The following TNRC6B variants were observed in gnomAD, a reference collection of about 807,000 sequenced individuals.
TNRC6B encodes the protein trinucleotide repeat containing adaptor 6B, also known as trinucleotide repeat-containing gene 6B protein.
A neutral mutation model predicts 203.6 loss-of-function variants in TNRC6B; 52 were observed. The observed-to-expected ratio is 0.26, with a 90% CI of 0.20 to 0.32. The LOEUF (loss-of-function observed/expected upper bound fraction) is 0.32, where lower values mean the gene tolerates loss of function less well. TNRC6B is among the 10% of genes least tolerant of loss of function. The probability of loss-of-function intolerance (pLI) is 1.00; values close to 1 mark genes in which losing one functional copy is unlikely to be tolerated. For synonymous variants in TNRC6B, 838 were observed against 845.7 expected (o/e 0.99, Z 0.16); for missense variants, 1,923 against 2,286.2 (o/e 0.84, Z 3.24).
intron 1 of TNRC6B, among the ~76,000 whole-genome samples, chr22:40,201,194 A>T (rs2069407549): frequency 6.6e-6 from 1 of 152,160 alleles, no homozygotes; most frequent in Non-Finnish European, 1.5e-5. Flanking sequence ...ACACTTTAGA[A>T]TCTTTAAAAA....
At chr22:40,073,940 G>A (rs6001746) in intron 1 of TNRC6B, among the ~76,000 whole-genome samples, 2,046 of 152,020 alleles carry the variant, frequency 0.013, 56 homozygotes, top group African/African-American at 0.047. Flanking sequence ...ATGGTGGCGT[G>A]TGCCTGTAGT....
At chr22:40,102,003 A>G (rs974367238) in intron 1 of TNRC6B, among the ~76,000 whole-genome samples, 1 of 152,216 alleles carries the variant, frequency 6.6e-6, no homozygotes, top group Non-Finnish European at 1.5e-5. Context: ...ATTCCAGTTC[A>G]GCAAACTAGT....
rs1374205908 is a variant in TNRC6B, at chr22:40,327,893, C to A, written c.*4652C>A. ...TTTTAAAACACTTGATTACTAGTGG[C>A]TTAGAGGTGTGTACATCTCCTGAAC... On this transcript the variant is annotated 3_prime_UTR_variant, in exon 23 of 23. Coordinates refer to ENST00000454349, the MANE Select transcript of TNRC6B (RefSeq NM_001162501.2). 1 of 151,278 alleles carries A rather than the reference C, an allele frequency of 6.6e-6. No individual in the cohort carries two copies. The highest frequency in any genetic ancestry group is 2.4e-5 in the African/African-American group (1 of 41,086). The allele number at this position is 151,278 out of a possible 1,614,324, so 9.4% of individuals were successfully genotyped here. A position where few individuals can be genotyped will look rare whatever the true frequency, so the allele number is the denominator to read the frequency against.
At position 40,266,547 on chromosome 22, in the gene TNRC6B, G is replaced by A. The variant is rs756021043; in HGVS notation, c.2317G>A (p.Gly773Ser). Residue 773 changes from glycine (G) to serine (S), a missense_variant, in exon 5 of 23, where the codon GGT (glycine) becomes AGT (serine). This residue lies in a region of TNRC6B where 599 missense variants were observed against 656.5 expected (regional missense o/e 0.91). Coordinates refer to ENST00000454349, the MANE Select transcript of TNRC6B (RefSeq NM_001162501.2). Reference sequence around the variant, plus strand: ...TGCAAGTAAACCTGTGTCTGGGTGGGGTGAAGGAGGGCAGAATGAAATCGG... The same window carrying A: ...TGCAAGTAAACCTGTGTCTGGGTGGAGTGAAGGAGGGCAGAATGAAATCGG... ...SSASKPVSGW[G>S]EGGQNEIGTW... The A allele has an allele frequency of 2.5e-6, 4 of 1,613,816 alleles. No homozygotes were observed. The Admixed American group carries it at 6.7e-5, about 27-fold the overall frequency.
chr22:40,301,140 T>C lies in TNRC6B; in HGVS notation c.3937-10T>C, dbSNP rs1407044364. The C allele has an allele frequency of 1.9e-6, 3 of 1,552,552 alleles. No individual in the cohort carries two copies. Among genetic ancestry groups the C allele is most frequent in the African/African-American group, 2.7e-5 (2 of 72,954 alleles). On this transcript the variant is annotated splice_polypyrimidine_tract_variant and intron_variant, in intron 14 of 22. Transcript: ENST00000454349. ...GTGCTTATCACGTGTCTGTCTCTCT[T>C]GGCCCTCAGCTGGCTCGAATGGTGA... is the stretch of plus-strand genomic sequence containing the variant.
chr22:40,297,986 A>T (rs113622344), intron 12 of TNRC6B, among the ~76,000 whole-genome samples: 4,384 of 144,416 alleles, frequency 0.03, 196 homozygotes, highest in African/African-American at 0.11. Context: ...TTAGCCGGGC[A>T]TGGTGGCAGG....
intron 11 of TNRC6B, among the ~76,000 whole-genome samples, chr22:40,282,607 G>C (rs979799675): frequency 9.9e-5 from 15 of 152,110 alleles, no homozygotes; most frequent in African/African-American, 3.4e-4. Flanking sequence ...ACATAAATTA[G>C]TATAGTAGAC....
chr22:40,088,788 A>G (rs1265155747), intron 1 of TNRC6B, among the ~76,000 whole-genome samples: 1 of 152,018 alleles, frequency 6.6e-6, no homozygotes, highest in East Asian at 1.9e-4. Context: ...AATAAATCAT[A>G]CAAGCTTAAA....
intron 5 of TNRC6B, 21 bp downstream of exon 5, chr22:40,267,057 G>A: frequency 2.6e-6 from 4 of 1,519,258 alleles, no homozygotes; most frequent in Non-Finnish European, 2.6e-6. Flanking sequence ...GCTTTCTCTT[G>A]CAGCTTTTGA....
intron 12 of TNRC6B, among the ~76,000 whole-genome samples, chr22:40,288,874 C>G: frequency 8.2e-6 from 1 of 121,758 alleles, no homozygotes; most frequent in East Asian, 2.6e-4. Flanking sequence ...CAGAGTCTCT[C>G]TCTCACTCAG....
chr22:40,246,641 A>G (rs1171060115), intron 2 of TNRC6B, among the ~76,000 whole-genome samples: 1 of 152,250 alleles, frequency 6.6e-6, no homozygotes, highest in Non-Finnish European at 1.5e-5. Flanking sequence ...AACAGTAAAC[A>G]GTATTACAAA....
chr22:40,279,373 C>T (rs2070694440), intron 9 of TNRC6B, among the ~76,000 whole-genome samples: 1 of 152,134 alleles, frequency 6.6e-6, no homozygotes, highest in African/African-American at 2.4e-5. Context: ...TTTCCTGGGG[C>T]AGCACTGGTT....
chr22:40,312,845 C>T, intron 18 of TNRC6B, 57 bp from the exon 19 acceptor site: 5 of 1,534,494 alleles, frequency 3.3e-6, no homozygotes, highest in Non-Finnish European at 4.5e-6. Context: ...CTCAAGGTTT[C>T]ACTGGTTATA....
At chr22:40,313,087 T>A in intron 19 of TNRC6B, 90 bp downstream of exon 19, 1 of 1,020,520 alleles carries the variant, frequency 9.8e-7, no homozygotes, top group Non-Finnish European at 1.5e-6. Context: ...TTTCATAAGA[T>A]ATACTCTTAC....
intron 3 of TNRC6B, among the ~76,000 whole-genome samples, chr22:40,259,853 A>G (rs916511353): frequency 1.3e-5 from 2 of 152,158 alleles, no homozygotes; most frequent in African/African-American, 2.4e-5. Context: ...CCCTGACGTT[A>G]CCCTGGGAGG....
At chr22:40,279,776 T>C (rs2070699477) in intron 9 of TNRC6B, among the ~76,000 whole-genome samples, 1 of 152,196 alleles carries the variant, frequency 6.6e-6, no homozygotes, top group Non-Finnish European at 1.5e-5. Flanking sequence ...TTGTTTTGTT[T>C]TTTAAAATAA....
chr22:40,130,097 G>T (rs968616969), intron 3 of TNRC6B, among the ~76,000 whole-genome samples: 3 of 152,112 alleles, frequency 2.0e-5, no homozygotes, highest in Non-Finnish European at 4.4e-5. Context: ...ATGAGGAGGA[G>T]GATTAAGTTC....
chr22:40,257,564 A>G (rs997763470), intron 3 of TNRC6B, among the ~76,000 whole-genome samples: 1 of 151,908 alleles, frequency 6.6e-6, no homozygotes, highest in African/African-American at 2.4e-5. Context: ...TAAAAATACA[A>G]AATTAGCCGG....
intron 3 of TNRC6B, among the ~76,000 whole-genome samples, chr22:40,139,134 C>T (rs1415091326): frequency 6.6e-6 from 1 of 152,122 alleles, no homozygotes; most frequent in Non-Finnish European, 1.5e-5. Flanking sequence ...AACCACTAAT[C>T]TTTCCATCTC....
Sources: allele counts gnomAD v4.1 joint callset (sites outside exome capture counted in the v4.1 genomes callset), GRCh38; gene constraint gnomAD v4.1.1; regional missense constraint gnomAD v4.1.1; transcripts MANE v1.5; gene names NCBI Gene and HGNC (gene_info 2026-07-23, HGNC 2026-07-21).